LARP1B: variants seen among roughly 807,000 people sequenced by gnomAD.
LARP1B encodes la-related protein 1B.
LARP1B carries 76 observed loss-of-function variants against 114.2 expected under a neutral mutation model. That is an observed-to-expected ratio of 0.67 (90% confidence interval 0.55 to 0.81). The LOEUF (loss-of-function observed/expected upper bound fraction) is 0.81, where lower values mean the gene tolerates loss of function less well. Among genes scored for constraint, LARP1B ranks in the 30% least tolerant of loss-of-function variants. The probability of loss-of-function intolerance (pLI) is 0.00; values close to 1 mark genes in which losing one functional copy is unlikely to be tolerated. For missense variants in LARP1B, 1,014 were observed against 1,075.8 expected (o/e 0.94, Z 0.80); for synonymous variants, 345 against 348.0 (o/e 0.99, Z 0.10).
chr4:128,162,429 G>T, intron 12 of LARP1B, 112 bp downstream of exon 12: 1 of 913,856 alleles, frequency 1.1e-6, no homozygotes, highest in Non-Finnish European at 1.6e-6. Flanking sequence ...TTAGGTAAAT[G>T]GTAAAATGCT....
At position 128,172,233 on chromosome 4, in the gene LARP1B, T is replaced by C. The variant is rs1744031184; in HGVS notation, c.1649-4639T>C. On this transcript the variant is annotated intron_variant, in intron 12 of 19. Transcript: ENST00000326639. ...TTCTGTTGATTCTGGCTGCTTTTAA[T>C]GTTTCCTCTGTCACCTATTTTAAGC... 2.0e-5 allele frequency among the ~76,000 whole-genome samples: 3 copies of C among 152,194 alleles called. No individual in the cohort carries two copies. The South Asian group carries it at 6.2e-4, about 31-fold the overall frequency.
chr4:128,162,800 A>T (rs887218308), intron 12 of LARP1B, among the ~76,000 whole-genome samples: 2 of 152,162 alleles, frequency 1.3e-5, no homozygotes, highest in Non-Finnish European at 2.9e-5. Flanking sequence ...AGTCACACAT[A>T]TACAAAGATA....
intron 11 of LARP1B, among the ~76,000 whole-genome samples, chr4:128,159,054 T>C (rs904737834): frequency 6.6e-6 from 1 of 151,564 alleles, no homozygotes; most frequent in African/African-American, 2.4e-5. Context: ...GGCATGCACC[T>C]GTAGTGCCAG....
chr4:128,158,463 G>T (rs1184647756), intron 11 of LARP1B, among the ~76,000 whole-genome samples: 2 of 152,084 alleles, frequency 1.3e-5, no homozygotes, highest in Non-Finnish European at 2.9e-5. Context: ...TACATTAAAG[G>T]ACTTCTTTTC....
chr4:128,190,106 T>C (rs1167708156), intron 15 of LARP1B, among the ~76,000 whole-genome samples: 2 of 152,244 alleles, frequency 1.3e-5, no homozygotes, highest in African/African-American at 2.4e-5. Flanking sequence ...TCTGAAAAGA[T>C]GGGTCTAGTA....
intron 19 of LARP1B, among the ~76,000 whole-genome samples, 179 bp from the exon 20 acceptor site, chr4:128,209,677 C>T (rs945833494): frequency 1.4e-5 from 2 of 145,500 alleles, no homozygotes; most frequent in East Asian, 2.0e-4. Context: ...GACCCGAGAT[C>T]GCGCCACTGC....
At chr4:128,094,183 C>G (rs895033065) in intron 7 of LARP1B, among the ~76,000 whole-genome samples, 1 of 152,012 alleles carries the variant, frequency 6.6e-6, no homozygotes, top group African/African-American at 2.4e-5. Context: ...CCTCGGCCTC[C>G]CAAAGTGCTG....
intron 1 of LARP1B, among the ~76,000 whole-genome samples, chr4:128,065,759 G>T (rs1449223741): frequency 1.3e-5 from 2 of 152,026 alleles, no homozygotes; most frequent in South Asian, 2.1e-4. Flanking sequence ...TAACCTGGCT[G>T]CCTTGGCTTC....
rs1323002288 is a variant in LARP1B at position 128,107,248 on chromosome 4, C to T, written c.923C>T (p.Thr308Ile). The change falls in exon 9 of 20, where the codon ACA (threonine) becomes ATA (isoleucine). Residue 308 changes from threonine (T) to isoleucine (I), a missense_variant. Thr to Ile is a moderately conservative substitution (Grantham distance 89, BLOSUM62 -1). Coordinates refer to ENST00000326639, the MANE Select transcript of LARP1B (RefSeq NM_018078.4). ...CCTCCTCCACGCAGTGTGCCACCAACAGACTTCTCTCAACTGATTGATTGT... is the reference window on the plus strand; with the variant it reads ...CCTCCTCCACGCAGTGTGCCACCAATAGACTTCTCTCAACTGATTGATTGT... Reference protein sequence around the residue: ...PGPPPRSVPPTDFSQLIDCPE... With the variant: ...PGPPPRSVPPIDFSQLIDCPE... The T allele has an allele frequency of 5.0e-6, 8 of 1,614,144 alleles. No individual in the cohort carries two copies. The highest frequency in any genetic ancestry group is 6.8e-6 in the Non-Finnish European group (8 of 1,179,980).
intron 17 of LARP1B, among the ~76,000 whole-genome samples, chr4:128,206,030 C>A (rs376495688): frequency 6.6e-6 from 1 of 152,202 alleles, no homozygotes; most frequent in South Asian, 2.1e-4. Context: ...GTGACTCACA[C>A]CTGTAATCCC....
intron 17 of LARP1B, among the ~76,000 whole-genome samples, chr4:128,203,416 T>C (rs1476959209): frequency 7.0e-6 from 1 of 143,000 alleles, no homozygotes; most frequent in Non-Finnish European, 1.5e-5. Context: ...CACTGTTGCC[T>C]AGGCTGGAGT....
At chr4:128,123,744 C>T (rs1362718211) in intron 11 of LARP1B, 1 of 969,258 alleles carries the variant, frequency 1.0e-6, no homozygotes, top group East Asian at 1.1e-4. Flanking sequence ...AATATTTGTT[C>T]TGTGGGAAAT....
At chr4:128,060,942 G>C (rs561147569), upstream of LARP1B, among the ~76,000 whole-genome samples, 1 of 152,162 alleles carries the variant, frequency 6.6e-6, no homozygotes, top group African/African-American at 2.4e-5. Flanking sequence ...AGGGCAAATC[G>C]AGCGCTCGGT....
At chr4:128,220,493 TA>T in intron 7 of LARP1B, 2 of 210,128 alleles carry the variant, frequency 9.5e-6, no homozygotes, top group Non-Finnish European at 1.7e-5. Context: ...GGTGATATCA[TA>T]TAATTATATC....
chr4:128,099,217 T>A (rs1233596764), intron 8 of LARP1B, among the ~76,000 whole-genome samples: 1 of 151,342 alleles, frequency 6.6e-6, no homozygotes. Flanking sequence ...TCTTTTTTTT[T>A]CTAGCCAATT....
chr4:128,169,885 C>G (rs1344080448), intron 12 of LARP1B, among the ~76,000 whole-genome samples: 1 of 152,190 alleles, frequency 6.6e-6, no homozygotes, highest in Non-Finnish European at 1.5e-5. Context: ...GATCCACCCA[C>G]CTCGGCCTCC....
At chr4:128,221,825 G>A (rs1760060567) in intron 7 of LARP1B, among the ~76,000 whole-genome samples, 1 of 152,136 alleles carries the variant, frequency 6.6e-6, no homozygotes, top group Non-Finnish European at 1.5e-5. Context: ...TTATTTGTTA[G>A]AAACATGAGT....
intron 15 of LARP1B, among the ~76,000 whole-genome samples, chr4:128,192,110 C>T (rs905209221): frequency 2.0e-5 from 3 of 152,236 alleles, no homozygotes; most frequent in South Asian, 2.1e-4. Context: ...CAGATTGCTT[C>T]TACTCTGCCA....
chr4:128,094,400 C>CTTTT (rs776529101), intron 7 of LARP1B, among the ~76,000 whole-genome samples: 6 of 128,734 alleles, frequency 4.7e-5, no homozygotes, highest in African/African-American at 1.2e-4. Flanking sequence ...TTTTCTTTTT[C>CTTTT]TTTTTTTTTT....
Sources: allele counts gnomAD v4.1 joint callset (sites outside exome capture counted in the v4.1 genomes callset), GRCh38; gene constraint gnomAD v4.1.1; transcripts MANE v1.5; gene names NCBI Gene and HGNC (gene_info 2026-07-23, HGNC 2026-07-21).